Variants in UBASH3B observed in about 807,000 individuals in gnomAD.
The protein encoded by UBASH3B is ubiquitin associated and SH3 domain containing B.
In UBASH3B, 37 loss-of-function variants were observed where a neutral mutation model predicts 83.4. The ratio of observed to expected loss-of-function variants is 0.44; its 90% confidence interval spans 0.34 to 0.58. The LOEUF (loss-of-function observed/expected upper bound fraction) is 0.58. UBASH3B is among the 20% of genes least tolerant of loss of function. The pLI is 0.01. For synonymous variants in UBASH3B, 304 were observed against 318.3 expected, an observed-to-expected ratio of 0.96 and a Z score of 0.48; for missense variants, 657 against 827.2, an observed-to-expected ratio of 0.79 and a Z score of 2.52.
Position 122,778,963 on chromosome 11 carries a change from A to T in UBASH3B, c.403-534A>T, listed in dbSNP as rs140024801. 6.0e-4 allele frequency among the ~76,000 whole-genome samples: 92 copies of T among 152,288 alleles called. No individual in the cohort carries two copies. The East Asian group carries it at 0.016, about 26-fold the overall frequency. On this transcript the variant is annotated intron_variant, in intron 3 of 13. Transcript: ENST00000284273. ...TTTATGGCGTATAACATGATGGTTG[A>T]ATATATGTATGCATTGTGGAGTGCC...
chr11:122,753,106 C>T (rs1200941499), intron 1 of UBASH3B, among the ~76,000 whole-genome samples: 4 of 150,642 alleles, frequency 2.7e-5, no homozygotes, highest in Non-Finnish European at 5.9e-5. Context: ...CATATGAATG[C>T]TCAAAAAACA....
chr11:122,740,440 G>A (rs907018392), intron 1 of UBASH3B, among the ~76,000 whole-genome samples: 2 of 152,184 alleles, frequency 1.3e-5, no homozygotes. Context: ...GTTGTCCCAG[G>A]ATTAGGATGC....
At chr11:122,698,448 C>T (rs1301528598) in intron 1 of UBASH3B, among the ~76,000 whole-genome samples, 1 of 152,148 alleles carries the variant, frequency 6.6e-6, no homozygotes, top group African/African-American at 2.4e-5. Flanking sequence ...TGCAACAAGG[C>T]AGGAGAGAAT....
intron 1 of UBASH3B, among the ~76,000 whole-genome samples, chr11:122,715,304 G>A (rs1860501480): frequency 2.6e-5 from 4 of 152,186 alleles, no homozygotes. Context: ...AAGATGTCAT[G>A]TCTTATTATT....
At chr11:122,784,169 G>T (rs1860906978) in intron 5 of UBASH3B, among the ~76,000 whole-genome samples, 1 of 152,018 alleles carries the variant, frequency 6.6e-6, no homozygotes, top group African/African-American at 2.4e-5. Flanking sequence ...CTTGATCTCA[G>T]GTGATCTGCA....
At chr11:122,733,560 T>A (rs932318774) in intron 1 of UBASH3B, among the ~76,000 whole-genome samples, 1 of 152,230 alleles carries the variant, frequency 6.6e-6, no homozygotes, top group African/African-American at 2.4e-5. Context: ...TTTTGTTTCT[T>A]AATGGGTGTT....
intron 1 of UBASH3B, among the ~76,000 whole-genome samples, chr11:122,688,978 CGGG>C (rs60342970): frequency 0.74 from 100,222 of 135,754 alleles, 38,190 homozygotes; most frequent in Admixed American, 0.86. Context: ...GGCGGGGAGG[CGGG>C]GGGGGGGGGG....
chr11:122,767,203 G>T (rs1050270128), intron 1 of UBASH3B, among the ~76,000 whole-genome samples: 1 of 151,892 alleles, frequency 6.6e-6, no homozygotes, highest in Admixed American at 6.5e-5. Flanking sequence ...GCTTGAACCC[G>T]GGAAGCGGAG....
At chr11:122,663,063 G>A (rs1031796732) in intron 1 of UBASH3B, among the ~76,000 whole-genome samples, 2 of 136,358 alleles carry the variant, frequency 1.5e-5, no homozygotes, top group Non-Finnish European at 3.0e-5. Context: ...TGCAACCTCC[G>A]CCTCCCGTGT....
intron 1 of UBASH3B, among the ~76,000 whole-genome samples, chr11:122,680,493 C>T (rs907953094): frequency 3.9e-5 from 6 of 152,054 alleles, no homozygotes; most frequent in African/African-American, 7.2e-5. Context: ...AACGGAGTTT[C>T]GCTCTTGTTG....
At chr11:122,707,204 C>A (rs1273558878) in intron 1 of UBASH3B, among the ~76,000 whole-genome samples, 1 of 152,134 alleles carries the variant, frequency 6.6e-6, no homozygotes, top group Non-Finnish European at 1.5e-5. Flanking sequence ...CCATAAAATC[C>A]AAATATCTGG....
At chr11:122,766,994 T>G (rs1028905730) in intron 1 of UBASH3B, among the ~76,000 whole-genome samples, 3 of 152,088 alleles carry the variant, frequency 2.0e-5, no homozygotes. Flanking sequence ...AATAGTAATC[T>G]CTAGGCCGGG....
intron 1 of UBASH3B, among the ~76,000 whole-genome samples, chr11:122,723,685 C>G (rs1860680721): frequency 6.6e-6 from 1 of 152,190 alleles, no homozygotes; most frequent in African/African-American, 2.4e-5. Context: ...GAAAGAGTCC[C>G]AAAGAGCACC....
chr11:122,730,844 CT>C (rs938175810), intron 1 of UBASH3B, among the ~76,000 whole-genome samples: 1 of 152,224 alleles, frequency 6.6e-6, no homozygotes, highest in African/African-American at 2.4e-5. Context: ...ATCCGCCCGC[CT>C]CGGCCTCCCA....
chr11:122,712,903 T>TTTG (rs1864215889), intron 1 of UBASH3B, among the ~76,000 whole-genome samples: 1 of 89,646 alleles, frequency 1.1e-5, no homozygotes, highest in African/African-American at 4.6e-5. Context: ...GTGGTTTTTT[T>TTTG]TTTTTTTTTT....
chr11:122,661,657 T>TA (rs1863440095), intron 1 of UBASH3B, among the ~76,000 whole-genome samples: 2 of 152,322 alleles, frequency 1.3e-5, no homozygotes, highest in African/African-American at 4.8e-5. Context: ...AAATTGCTCT[T>TA]ATGTGTATTA....
chr11:122,706,106 C>CTTTTTTTTTTTTTTTTTTTTTTTTTTTTT (rs36055058), intron 1 of UBASH3B, among the ~76,000 whole-genome samples: 2 of 127,034 alleles, frequency 1.6e-5, no homozygotes, highest in Non-Finnish European at 3.2e-5. Flanking sequence ...TCTTTTCTTT[C>CTTTTTTTTTTTTTTTTTTTTTTTTTTTTT]TTTTTTTTTT....
intron 1 of UBASH3B, among the ~76,000 whole-genome samples, chr11:122,657,563 A>G (rs1863381076): frequency 6.6e-6 from 1 of 152,188 alleles, no homozygotes; most frequent in Non-Finnish European, 1.5e-5. Context: ...TGCTGGGATT[A>G]CAGGCAATAA....
rs75034497 is a variant in UBASH3B, at chr11:122,777,380, C to A, written c.402+170C>A. ...AGTGAGGTCCACAATGGGCCCCTCA[C>A]CCCAACGCTTCCTAGTTTTATCTGC... On this transcript the variant is annotated intron_variant, in intron 3 of 13. Coordinates refer to ENST00000284273, the MANE Select transcript of UBASH3B (RefSeq NM_032873.5). Among the ~76,000 whole-genome samples, 1,301 of 152,282 alleles carry A rather than the reference C, an allele frequency of 8.5e-3. 20 individuals carry two copies. The highest frequency in any genetic ancestry group is 0.026 in the African/African-American group (1,071 of 41,558).
Sources: allele counts gnomAD v4.1 joint callset (sites outside exome capture counted in the v4.1 genomes callset), GRCh38; gene constraint gnomAD v4.1.1; transcripts MANE v1.5; gene names NCBI Gene and HGNC (gene_info 2026-07-23, HGNC 2026-07-21).